SEMA3E: variants seen among roughly 807,000 people sequenced by gnomAD.
SEMA3E encodes the protein semaphorin-3E.
SEMA3E carries 49 observed loss-of-function variants against 93.6 expected under a neutral mutation model. The ratio of observed to expected loss-of-function variants is 0.52; its 90% CI spans 0.42 to 0.66. The LOEUF (loss-of-function observed/expected upper bound fraction) is 0.66. Among genes scored for constraint, SEMA3E ranks in the 30% least tolerant of loss-of-function variants. The pLI, the probability that SEMA3E is intolerant of heterozygous loss-of-function variation, is 0.00. For synonymous variants in SEMA3E, 363 were observed against 330.7 expected, an observed-to-expected ratio of 1.10 and a Z score of -1.06; for missense variants, 906 against 964.8, an observed-to-expected ratio of 0.94 and a Z score of 0.81.
At chr7:83,610,778 C>T in intron 1 of SEMA3E, among the ~76,000 whole-genome samples, 1 of 152,012 alleles carries the variant, frequency 6.6e-6, no homozygotes, top group East Asian at 1.9e-4. Flanking sequence ...AGAAGGTCAT[C>T]CACAAGCAAA....
At chr7:83,518,113 A>G (rs1335391114) in intron 1 of SEMA3E, among the ~76,000 whole-genome samples, 1 of 143,094 alleles carries the variant, frequency 7.0e-6, no homozygotes, top group African/African-American at 2.6e-5. Flanking sequence ...TCTTCATGAA[A>G]GAAAAGTATG....
At chr7:83,462,837 C>T (rs1789657865) in intron 4 of SEMA3E, among the ~76,000 whole-genome samples, 1 of 136,448 alleles carries the variant, frequency 7.3e-6, no homozygotes, top group Non-Finnish European at 1.6e-5. Context: ...CCTGTCCACC[C>T]CGTGGTGCCA....
chr7:83,573,322 A>G (rs1232236561), intron 1 of SEMA3E, among the ~76,000 whole-genome samples: 2 of 151,818 alleles, frequency 1.3e-5, no homozygotes, highest in African/African-American at 2.4e-5. Flanking sequence ...TGTCTTCAGT[A>G]TTTTTTCAAC....
chr7:83,393,670 T>C (rs1788064376), intron 13 of SEMA3E, among the ~76,000 whole-genome samples: 2 of 152,198 alleles, frequency 1.3e-5, no homozygotes, highest in South Asian at 4.1e-4. Context: ...GAACATTTAA[T>C]ATAATATCTT....
At chr7:83,473,094 A>G (rs60478067) in intron 2 of SEMA3E, among the ~76,000 whole-genome samples, 3,820 of 152,318 alleles carry the variant, frequency 0.025, 177 homozygotes, top group African/African-American at 0.086. Context: ...TAATACCACA[A>G]GCTACCTAAG....
intron 1 of SEMA3E, among the ~76,000 whole-genome samples, chr7:83,575,850 C>T (rs556138088): frequency 1.3e-5 from 2 of 152,214 alleles, no homozygotes; most frequent in Non-Finnish European, 2.9e-5. Flanking sequence ...ATACTGTGAC[C>T]GTCAGAGTAT....
chr7:83,368,114 T>C, intron 16 of SEMA3E, 76 bp from the exon 17 acceptor site: 1 of 1,331,488 alleles, frequency 7.5e-7, no homozygotes, highest in Non-Finnish European at 1.1e-6. Context: ...TTCCACTACC[T>C]ATCTTGAATT....
chr7:83,394,134 A>T (rs576967398), intron 13 of SEMA3E, among the ~76,000 whole-genome samples, 163 bp downstream of exon 13: 6 of 152,206 alleles, frequency 3.9e-5, no homozygotes, highest in African/African-American at 1.4e-4. Context: ...GGTAGATCAC[A>T]TGTTAAAAGT....
intron 4 of SEMA3E, among the ~76,000 whole-genome samples, chr7:83,447,414 TG>T (rs2115806414): frequency 6.6e-6 from 1 of 152,158 alleles, no homozygotes; most frequent in East Asian, 1.9e-4. Context: ...GGCGGGCGCC[TG>T]TAGTCCCAGC....
intron 1 of SEMA3E, among the ~76,000 whole-genome samples, chr7:83,567,080 C>A (rs1468717822): frequency 6.6e-6 from 1 of 152,080 alleles, no homozygotes; most frequent in East Asian, 1.9e-4. Context: ...AAATTCCATA[C>A]AAACAGAAAC....
At chr7:83,586,398 A>G (rs1792628523) in intron 1 of SEMA3E, among the ~76,000 whole-genome samples, 1 of 151,988 alleles carries the variant, frequency 6.6e-6, no homozygotes, top group Non-Finnish European at 1.5e-5. Flanking sequence ...GCATTACTAA[A>G]CCATGTGGGA....
chr7:83,624,276 T>C (rs1793625014), intron 1 of SEMA3E, among the ~76,000 whole-genome samples: 1 of 152,192 alleles, frequency 6.6e-6, no homozygotes, highest in Non-Finnish European at 1.5e-5. Flanking sequence ...TATTTCTAGT[T>C]GTAGGTCCTT....
At chr7:83,546,321 G>GGTGT (rs67647992) in intron 1 of SEMA3E, among the ~76,000 whole-genome samples, 3,889 of 129,416 alleles carry the variant, frequency 0.03, 80 homozygotes, top group Non-Finnish European at 0.043. Flanking sequence ...TATAATAAGG[G>GGTGT]GTGTGTGTGT....
At chr7:83,629,642 C>G (rs190111825) in intron 1 of SEMA3E, among the ~76,000 whole-genome samples, 7 of 152,142 alleles carry the variant, frequency 4.6e-5, no homozygotes, top group East Asian at 1.9e-4. Flanking sequence ...GCCCCTCCCC[C>G]CAAGCTTGAG....
At chr7:83,383,765 A>T (rs927882210) in intron 16 of SEMA3E, among the ~76,000 whole-genome samples, 1 of 152,000 alleles carries the variant, frequency 6.6e-6, no homozygotes, top group Non-Finnish European at 1.5e-5. Context: ...AATGAGGCAG[A>T]TTATGGTGAG....
chr7:83,378,915 G>T (rs1050771517), intron 16 of SEMA3E, among the ~76,000 whole-genome samples: 2 of 151,770 alleles, frequency 1.3e-5, no homozygotes, highest in Non-Finnish European at 1.5e-5. Context: ...TAAAGGGAAA[G>T]AACTCATTAT....
At chr7:83,625,162 G>A (rs1793645157) in intron 1 of SEMA3E, among the ~76,000 whole-genome samples, 2 of 152,162 alleles carry the variant, frequency 1.3e-5, no homozygotes, top group Admixed American at 1.3e-4. Flanking sequence ...GTAGCGTGAT[G>A]CCTCCAGCTT....
intron 1 of SEMA3E, among the ~76,000 whole-genome samples, chr7:83,496,663 G>A (rs1288033984): frequency 6.6e-6 from 1 of 151,974 alleles, no homozygotes; most frequent in Non-Finnish European, 1.5e-5. Context: ...GGCAAGCAAG[G>A]CTTTCTTCCC....
chr7:83,594,439 A>G (rs371242520), intron 1 of SEMA3E, among the ~76,000 whole-genome samples: 40 of 152,274 alleles, frequency 2.6e-4, no homozygotes, highest in African/African-American at 9.1e-4. Flanking sequence ...AACAAGTGGA[A>G]AAGGATCAGA....
Sources: allele counts gnomAD v4.1 joint callset (sites outside exome capture counted in the v4.1 genomes callset), GRCh38; gene constraint gnomAD v4.1.1; transcripts MANE v1.5; gene names NCBI Gene and HGNC (gene_info 2026-07-23, HGNC 2026-07-21).